KCNIP4: variants seen among roughly 807,000 people sequenced by gnomAD.
The protein encoded by KCNIP4 is Kv channel-interacting protein 4.
KCNIP4 carries 12 observed loss-of-function variants against 34.0 expected under a neutral mutation model. The observed-to-expected ratio is 0.35, with a 90% CI of 0.23 to 0.57. The LOEUF (loss-of-function observed/expected upper bound fraction) is 0.57. KCNIP4 is among the 20% of genes least tolerant of loss of function. The pLI, the probability that KCNIP4 is intolerant of heterozygous loss-of-function variation, is 0.83. For synonymous variants in KCNIP4, 124 were observed against 102.2 expected, an observed-to-expected ratio of 1.21 and a Z score of -1.29; for missense variants, 238 against 311.7, an observed-to-expected ratio of 0.76 and a Z score of 1.78.
chr4:21,821,568 C>A (rs1722355192), intron 1 of KCNIP4, among the ~76,000 whole-genome samples: 1 of 152,090 alleles, frequency 6.6e-6, no homozygotes. Flanking sequence ...ACAGAATTAG[C>A]AAACCTGAGA....
At chr4:21,927,297 G>A (rs1488098806) in intron 1 of KCNIP4, among the ~76,000 whole-genome samples, 1 of 152,114 alleles carries the variant, frequency 6.6e-6, no homozygotes, top group Admixed American at 6.6e-5. Context: ...GGTCCCTTTA[G>A]CCATTTGAGG....
At chr4:21,827,537 C>A (rs1722745208) in intron 1 of KCNIP4, among the ~76,000 whole-genome samples, 1 of 151,942 alleles carries the variant, frequency 6.6e-6, no homozygotes, top group Non-Finnish European at 1.5e-5. Flanking sequence ...AATAGATAAT[C>A]AAGCATCAAA....
chr4:21,754,918 G>A (rs1196395697), intron 1 of KCNIP4, among the ~76,000 whole-genome samples: 1 of 152,088 alleles, frequency 6.6e-6, no homozygotes, highest in African/African-American at 2.4e-5. Context: ...AGGCCGAGGT[G>A]GGCGGATCAC....
At chr4:21,288,583 C>T (rs1763255157) in intron 1 of KCNIP4, among the ~76,000 whole-genome samples, 1 of 152,088 alleles carries the variant, frequency 6.6e-6, no homozygotes, top group Non-Finnish European at 1.5e-5. Flanking sequence ...AAGATAAATA[C>T]TATTATTATC....
At chr4:20,975,438 G>A (rs1056240531) in intron 1 of KCNIP4, among the ~76,000 whole-genome samples, 1 of 152,022 alleles carries the variant, frequency 6.6e-6, no homozygotes, top group African/African-American at 2.4e-5. Context: ...AATAGGACAG[G>A]GCACTCAGGC....
intron 1 of KCNIP4, among the ~76,000 whole-genome samples, chr4:21,713,020 T>C (rs1352262997): frequency 6.6e-6 from 1 of 152,178 alleles, no homozygotes; most frequent in Non-Finnish European, 1.5e-5. Flanking sequence ...TCCTGTTGAA[T>C]GCTGACTCAG....
At chr4:21,915,970 A>G (rs1350130343) in intron 1 of KCNIP4, among the ~76,000 whole-genome samples, 12 of 152,316 alleles carry the variant, frequency 7.9e-5, no homozygotes, top group African/African-American at 2.6e-4. Context: ...ACTGCTGCCC[A>G]CAGCACCAGC....
intron 1 of KCNIP4, among the ~76,000 whole-genome samples, chr4:21,922,904 T>C (rs962002725): frequency 1.1e-4 from 17 of 152,202 alleles, no homozygotes; most frequent in Admixed American, 6.5e-4. Flanking sequence ...GAGAGATTTT[T>C]CTTTGTAAGT....
intron 1 of KCNIP4, among the ~76,000 whole-genome samples, chr4:21,154,560 A>G: frequency 6.6e-6 from 1 of 152,210 alleles, no homozygotes; most frequent in Non-Finnish European, 1.5e-5. Flanking sequence ...TGCCATTATC[A>G]GATCTGCAAT....
chr4:20,940,568 T>C (rs1397844673), intron 1 of KCNIP4, among the ~76,000 whole-genome samples: 1 of 152,186 alleles, frequency 6.6e-6, no homozygotes. Flanking sequence ...ATTCAGCATA[T>C]AAAAATTATG....
intron 1 of KCNIP4, among the ~76,000 whole-genome samples, chr4:21,053,859 A>G (rs1743152894): frequency 6.6e-6 from 1 of 152,218 alleles, no homozygotes; most frequent in Admixed American, 6.5e-5. Flanking sequence ...ACAAAATCAA[A>G]GAAGACTAAA....
intron 1 of KCNIP4, among the ~76,000 whole-genome samples, chr4:21,820,324 T>TAC (rs1553934853): frequency 7.8e-4 from 107 of 136,628 alleles, no homozygotes; most frequent in East Asian, 1.3e-3. Context: ...TATATATATA[T>TAC]ACATATATAC....
rs569886367 is a variant in KCNIP4, at chr4:20,741,596, C to G, written c.430-6861G>C. ...TGTGTAGAGGGAAATTTATAGCACTCAAAGCCCACAAGAGAAAGCAGGAAA... is the reference window on the plus strand; with the variant it reads ...TGTGTAGAGGGAAATTTATAGCACTGAAAGCCCACAAGAGAAAGCAGGAAA... On this transcript the variant is annotated intron_variant, in intron 5 of 8. Coordinates refer to ENST00000382152, the MANE Select transcript of KCNIP4 (RefSeq NM_025221.6). Among the ~76,000 whole-genome samples the G allele has an allele frequency of 2.0e-4, 31 of 152,232 alleles. 1 individual carries two copies. In the South Asian group the frequency reaches 5.0e-3, roughly 24 times the overall value.
chr4:21,179,027 G>C (rs1299172577), intron 1 of KCNIP4, among the ~76,000 whole-genome samples: 1 of 151,938 alleles, frequency 6.6e-6, no homozygotes, highest in African/African-American at 2.4e-5. Context: ...ATGTTGCCCA[G>C]GCTGGTCTCA....
rs1429102394 is a variant in KCNIP4 at position 20,910,543 on chromosome 4, G to C, written c.62-27834C>G. ...TGATCATAATCTATGTTTCAAAGAA[G>C]AAATGAAGCAGAACGAGCCTAACGG... On this transcript the variant is annotated intron_variant, in intron 1 of 8. Transcript: ENST00000382152. 2.0e-5 allele frequency among the ~76,000 whole-genome samples: 3 copies of C among 152,252 alleles called. No homozygotes were observed. The East Asian group carries it at 5.8e-4, about 29-fold the overall frequency.
chr4:20,889,776 A>AAC (rs1577321224), intron 1 of KCNIP4, among the ~76,000 whole-genome samples: 1 of 151,600 alleles, frequency 6.6e-6, no homozygotes, highest in South Asian at 2.1e-4. Context: ...TCAAAAAAAA[A>AAC]AAAAAACAAA....
intron 3 of KCNIP4, among the ~76,000 whole-genome samples, chr4:20,824,761 T>C (rs985467621): frequency 1.3e-5 from 2 of 152,184 alleles, no homozygotes; most frequent in East Asian, 3.8e-4. Flanking sequence ...ACTTTGGAGA[T>C]AGAATGTTTC....
chr4:21,202,343 T>C (rs1284240921), intron 1 of KCNIP4, among the ~76,000 whole-genome samples: 1 of 152,090 alleles, frequency 6.6e-6, no homozygotes. Context: ...AAACCAAATA[T>C]CACGTGTTCT....
intron 1 of KCNIP4, among the ~76,000 whole-genome samples, chr4:21,060,499 T>C (rs988322995): frequency 6.6e-6 from 1 of 152,210 alleles, no homozygotes; most frequent in African/African-American, 2.4e-5. Flanking sequence ...GAATGTTTGT[T>C]GCAAAGATAA....
Sources: gnomAD v4.1 joint callset for allele counts (sites outside exome capture counted in the v4.1 genomes callset) on GRCh38, gnomAD v4.1.1 for gene constraint, MANE v1.5 for transcripts, NCBI Gene and HGNC (gene_info 2026-07-23, HGNC 2026-07-21) for gene names.